SLC37A1: variants seen among roughly 807,000 people sequenced by gnomAD.
SLC37A1 encodes glucose-6-phosphate exchanger SLC37A1.
Under a neutral mutation model 75.3 loss-of-function variants are expected in SLC37A1, and 49 were observed. That is an observed-to-expected ratio of 0.65 (90% CI 0.52 to 0.83). The LOEUF is 0.83. Ranked by LOEUF, SLC37A1 falls within the 40% of genes least tolerant of loss-of-function variation. The pLI is 0.00. For synonymous variants in SLC37A1, 268 were observed against 292.1 expected (o/e 0.92, Z 0.84); for missense variants, 566 against 695.0 (o/e 0.81, Z 2.09).
intron 16 of SLC37A1, 125 bp from the exon 17 acceptor site, chr21:42,568,235 A>G (rs1179768759): frequency 7.9e-6 from 6 of 758,650 alleles, no homozygotes. Context: ...TGGAGTTTAA[A>G]TAATGGGAAA....
intron 6 of SLC37A1, among the ~76,000 whole-genome samples, chr21:42,541,179 G>A (rs769067167): frequency 1.7e-4 from 26 of 152,212 alleles, no homozygotes; most frequent in African/African-American, 5.8e-4. Flanking sequence ...TAGGGTTCGC[G>A]CTCCTATGAG....
intron 3 of SLC37A1, among the ~76,000 whole-genome samples, chr21:42,533,600 G>T (rs2055053919): frequency 6.6e-6 from 1 of 150,914 alleles, no homozygotes; most frequent in Non-Finnish European, 1.5e-5. Context: ...ACCCACTCAG[G>T]CCCCTCTGCC....
At chr21:42,501,827 C>T (rs1481670071) in intron 1 of SLC37A1, among the ~76,000 whole-genome samples, 1 of 152,220 alleles carries the variant, frequency 6.6e-6, no homozygotes, top group Non-Finnish European at 1.5e-5. Context: ...AAGGCTGGTT[C>T]TAGTTTTGAT....
At chr21:42,551,986 A>G (rs2055571247) in intron 9 of SLC37A1, among the ~76,000 whole-genome samples, 1 of 152,050 alleles carries the variant, frequency 6.6e-6, no homozygotes. Context: ...TCTCCTGTAA[A>G]CTGGAAACCT....
Position 42,543,553 on chromosome 21 carries a change from A to G in SLC37A1, c.681A>G (p.Gly227=). 1 of 1,613,300 alleles carries G rather than the reference A, an allele frequency of 6.2e-7. No homozygotes were observed. The highest frequency in any genetic ancestry group is 8.5e-7 in the Non-Finnish European group (1 of 1,179,576). ...TCWGLSFVVP[G]AIVAAMGIVC... ...GGGGCCTGTCCTTCGTCGTGCCTGG[A>G]GCCATCGTGGCAGCCATGGGGATAG... The change falls in exon 8 of 20, where the codon GGA becomes GGG. Residue 227 remains glycine, a synonymous_variant. Coordinates refer to ENST00000352133, the MANE Select transcript of SLC37A1 (RefSeq NM_001320537.2).
rs758691968 is a variant in SLC37A1 at position 42,543,428 on chromosome 21, T to C, written c.564-8T>C. The C allele has an allele frequency of 3.1e-6, 5 of 1,614,092 alleles. No homozygotes were observed. The Admixed American group carries it at 8.3e-5, about 27-fold the overall frequency. On this transcript the variant is annotated splice_region_variant and splice_polypyrimidine_tract_variant and intron_variant, in intron 7 of 19. Transcript: ENST00000352133. ...CCATCTTCTGTCTTCTGTTTTGTTG[T>C]GCTGCAGGAGAGGTTTGATTATGGG...
intron 17 of SLC37A1, among the ~76,000 whole-genome samples, chr21:42,574,432 G>A (rs1303496980): frequency 6.6e-6 from 1 of 152,192 alleles, no homozygotes; most frequent in Non-Finnish European, 1.5e-5. Context: ...GAGGCGTACA[G>A]GTGGAGTATC....
Position 42,518,644 on chromosome 21 carries a change from A to C in SLC37A1, c.56+134A>C, listed in dbSNP as rs2054571308. On this transcript the variant is annotated intron_variant, in intron 2 of 19. Coordinates refer to ENST00000352133, the MANE Select transcript of SLC37A1 (RefSeq NM_001320537.2). ...TCACTGACCTCACCCATAACCGTTGAATTGCTTTTTGGTGGTGGAAGCCGT... is the reference window on the plus strand; with the variant it reads ...TCACTGACCTCACCCATAACCGTTGCATTGCTTTTTGGTGGTGGAAGCCGT... 6 of 1,034,286 alleles carry C rather than the reference A, an allele frequency of 5.8e-6. No homozygotes were observed. The South Asian group carries it at 7.1e-5, about 12-fold the overall frequency. The allele number at this position is 1,034,286 out of a possible 1,614,324, so 64.1% of individuals were successfully genotyped here.
At chr21:42,550,398 C>T (rs1236200850) in intron 9 of SLC37A1, among the ~76,000 whole-genome samples, 1 of 152,166 alleles carries the variant, frequency 6.6e-6, no homozygotes, top group East Asian at 1.9e-4. Flanking sequence ...CCAAAACTGA[C>T]TCAAGAGAGG....
intron 2 of SLC37A1, among the ~76,000 whole-genome samples, chr21:42,524,389 A>C (rs187419773): frequency 7.2e-5 from 11 of 151,906 alleles, no homozygotes; most frequent in African/African-American, 2.7e-4. Flanking sequence ...TCTTCCTCAC[A>C]CTCATGCTGA....
At chr21:42,572,135 CCTT>C (rs2056188606) in intron 17 of SLC37A1, among the ~76,000 whole-genome samples, 1 of 152,194 alleles carries the variant, frequency 6.6e-6, no homozygotes, top group African/African-American at 2.4e-5. Context: ...CGTGGAAACA[CCTT>C]CTCTTCAGAA....
intron 16 of SLC37A1, 86 bp from the exon 17 acceptor site, chr21:42,568,274 C>T (rs182160347): frequency 9.4e-5 from 95 of 1,011,186 alleles, no homozygotes; most frequent in Non-Finnish European, 8.9e-5. Flanking sequence ...TTTTGCAGAG[C>T]AGTTTGAGTA....
chr21:42,536,065 A>G (rs1224127446), intron 5 of SLC37A1, among the ~76,000 whole-genome samples: 1 of 152,184 alleles, frequency 6.6e-6, no homozygotes, highest in Non-Finnish European at 1.5e-5. Flanking sequence ...GCAGCCATGC[A>G]TGGCGGGTGG....
chr21:42,572,590 T>C (rs1230313710), intron 17 of SLC37A1, among the ~76,000 whole-genome samples: 1 of 151,392 alleles, frequency 6.6e-6, no homozygotes, highest in Non-Finnish European at 1.5e-5. Context: ...TTTACTGATG[T>C]TTCTCTGCCC....
intron 10 of SLC37A1, among the ~76,000 whole-genome samples, chr21:42,555,588 C>T (rs1220740047): frequency 1.6e-4 from 24 of 150,008 alleles, no homozygotes; most frequent in Non-Finnish European, 4.4e-5. Context: ...TCTGAATTCA[C>T]ATTTAAACAA....
At chr21:42,534,595 A>G in intron 3 of SLC37A1, 103 bp from the exon 4 acceptor site, 3 of 1,425,790 alleles carry the variant, frequency 2.1e-6, no homozygotes, top group Non-Finnish European at 2.8e-6. Flanking sequence ...TGCCCTGGGC[A>G]GGCTGCTGGG....
intron 18 of SLC37A1, among the ~76,000 whole-genome samples, chr21:42,577,587 T>G (rs766140128): frequency 1.6e-4 from 24 of 152,192 alleles, no homozygotes; most frequent in Non-Finnish European, 2.8e-4. Flanking sequence ...ATGTGTAACC[T>G]TCAAGGCAAT....
intron 1 of SLC37A1, among the ~76,000 whole-genome samples, chr21:42,500,025 C>G (rs776655187): frequency 6.6e-6 from 1 of 152,228 alleles, no homozygotes; most frequent in Non-Finnish European, 1.5e-5. Context: ...GACTGAGTCC[C>G]TAAGTGTGTC....
rs1161313598 is a variant in SLC37A1, at chr21:42,530,654, A to ACACACACCCCCCCC, written c.139-4043_139-4042insACACACCCCCCCCC. The stretch of plus-strand genomic sequence containing the variant: ...CACACACACACACACACACACACAC[A>ACACACACCCCCCCC]CCCCCTCTGTGTTGGCTGAAGGTGG... On this transcript the variant is annotated intron_variant, in intron 3 of 19. Transcript: ENST00000352133. Among the ~76,000 whole-genome samples, 9 of 35,894 alleles carry ACACACACCCCCCCC rather than the reference A, an allele frequency of 2.5e-4. 1 individual carries two copies. The highest frequency in any genetic ancestry group is 3.6e-4 in the Admixed American group (1 of 2,764). 23.5% of individuals were successfully genotyped at this position (35,894 alleles called of 152,430 possible). A position where few individuals can be genotyped will look rare whatever the true frequency, so the allele number is the denominator to read the frequency against.
Sources: gnomAD v4.1 joint callset for allele counts (sites outside exome capture counted in the v4.1 genomes callset) on GRCh38, gnomAD v4.1.1 for gene constraint, MANE v1.5 for transcripts, NCBI Gene and HGNC (gene_info 2026-07-23, HGNC 2026-07-21) for gene names.